Variants in CALN1 observed in about 807,000 individuals in gnomAD.
CALN1 encodes calneuron 1.
CALN1 carries 17 observed loss-of-function variants against 30.6 expected under a neutral mutation model. The observed-to-expected ratio is 0.56, with a 90% CI of 0.38 to 0.83. The LOEUF (loss-of-function observed/expected upper bound fraction) is 0.83, where lower values mean the gene tolerates loss of function less well. Ranked by LOEUF, CALN1 falls within the 40% of genes least tolerant of loss-of-function variation. The pLI is 0.00. For missense variants in CALN1, 291 were observed against 354.9 expected (o/e 0.82, Z 1.45); for synonymous variants, 156 against 131.4 (o/e 1.19, Z -1.28).
chr7:71,990,083 T>C (rs1798868650), intron 5 of CALN1, among the ~76,000 whole-genome samples: 1 of 152,104 alleles, frequency 6.6e-6, no homozygotes, highest in African/African-American at 2.4e-5. Flanking sequence ...AGATTGGAGT[T>C]TGGCACAAAA....
At chr7:71,874,888 G>A (rs1176038089) in intron 5 of CALN1, among the ~76,000 whole-genome samples, 1 of 152,064 alleles carries the variant, frequency 6.6e-6, no homozygotes, top group East Asian at 1.9e-4. Flanking sequence ...AAAATGGCTG[G>A]GTACTGTGAT....
intron 2 of CALN1, among the ~76,000 whole-genome samples, chr7:72,400,568 C>T (rs1434326092): frequency 1.3e-5 from 2 of 152,060 alleles, no homozygotes; most frequent in African/African-American, 2.4e-5. Flanking sequence ...TTACATGAGG[C>T]GAGATTAAGA....
At chr7:72,428,225 T>C (rs1199145725) in intron 1 of CALN1, among the ~76,000 whole-genome samples, 1 of 152,202 alleles carries the variant, frequency 6.6e-6, no homozygotes, top group East Asian at 1.9e-4. Flanking sequence ...GTAGCTCATA[T>C]TTGACCAGCT....
chr7:71,972,219 C>T (rs1797883597), intron 5 of CALN1, among the ~76,000 whole-genome samples: 1 of 152,038 alleles, frequency 6.6e-6, no homozygotes, highest in South Asian at 2.1e-4. Context: ...TCCACAGGCC[C>T]AAAGCTTAAT....
intron 5 of CALN1, among the ~76,000 whole-genome samples, chr7:71,832,639 C>G (rs1562821165): frequency 6.6e-6 from 1 of 152,152 alleles, no homozygotes; most frequent in African/African-American, 2.4e-5. Context: ...CTTGCTCTGT[C>G]GCCAAGGCTG....
upstream of CALN1, among the ~76,000 whole-genome samples, chr7:72,449,874 CAAAAAAAAAAAAAAA>C (rs71069071): frequency 2.3e-4 from 12 of 52,374 alleles, no homozygotes; most frequent in East Asian, 3.6e-3. Context: ...GACTCCGTCT[CAAAAAAAAAAAAAAA>C]AAAAAAAAAA....
At chr7:72,333,997 G>T (rs969964855) in intron 2 of CALN1, among the ~76,000 whole-genome samples, 1 of 152,194 alleles carries the variant, frequency 6.6e-6, no homozygotes. Flanking sequence ...CCCGCACATA[G>T]GATCGAAACC....
chr7:72,324,675 G>A (rs1473558518), intron 2 of CALN1, among the ~76,000 whole-genome samples: 3 of 151,802 alleles, frequency 2.0e-5, no homozygotes, highest in Middle Eastern at 6.8e-3. Context: ...TCCGCCTCCC[G>A]GGTTCAAGTG....
chr7:71,888,295 G>C (rs937195899), intron 5 of CALN1, among the ~76,000 whole-genome samples: 1 of 151,812 alleles, frequency 6.6e-6, no homozygotes, highest in African/African-American at 2.4e-5. Context: ...GGTTTATTTT[G>C]GGGGGAGATG....
At chr7:72,230,033 C>G (rs1299753619) in intron 3 of CALN1, among the ~76,000 whole-genome samples, 2 of 149,618 alleles carry the variant, frequency 1.3e-5, no homozygotes, top group Non-Finnish European at 3.0e-5. Flanking sequence ...TCCAGCTACT[C>G]AGGAGGCTGA....
At chr7:72,406,242 C>G (rs1369328426) in intron 1 of CALN1, among the ~76,000 whole-genome samples, 1 of 152,178 alleles carries the variant, frequency 6.6e-6, no homozygotes, top group African/African-American at 2.4e-5. Flanking sequence ...GCCGGACTAA[C>G]CACCGTCGGC....
chr7:72,276,526 T>G (rs77227555), intron 3 of CALN1, among the ~76,000 whole-genome samples: 1 of 152,144 alleles, frequency 6.6e-6, no homozygotes, highest in Non-Finnish European at 1.5e-5. Flanking sequence ...AAACCTCACA[T>G]TGACATTTGA....
At chr7:72,102,343 G>A (rs1040324837) in intron 4 of CALN1, among the ~76,000 whole-genome samples, 1 of 152,118 alleles carries the variant, frequency 6.6e-6, no homozygotes, top group Admixed American at 6.5e-5. Flanking sequence ...TACTCAGGAG[G>A]CTGAGGCAGG....
chr7:72,172,113 C>G lies in CALN1; in HGVS notation c.245-65819G>C, dbSNP rs73701699. ...AAGAGTAATCCACCAGGGAACAGAC[C>G]CATGGGGTCCAGCCTGATTGTGACT... On this transcript the variant is annotated intron_variant, in intron 3 of 6. Coordinates refer to ENST00000395275, the MANE Select transcript of CALN1 (RefSeq NM_031468.4). Among the ~76,000 whole-genome samples, 495 of 152,282 alleles carry G rather than the reference C, an allele frequency of 3.3e-3. 2 individuals carry two copies. Among genetic ancestry groups the G allele is most frequent in the African/African-American group, 0.01 (420 of 41,548 alleles).
At chr7:71,979,094 T>A (rs937694219) in intron 5 of CALN1, among the ~76,000 whole-genome samples, 1 of 152,100 alleles carries the variant, frequency 6.6e-6, no homozygotes, top group Non-Finnish European at 1.5e-5. Flanking sequence ...TACTGCCCCT[T>A]AGCTAAGGGG....
intron 3 of CALN1, among the ~76,000 whole-genome samples, chr7:72,216,567 C>T (rs940902835): frequency 2.6e-5 from 4 of 152,198 alleles, no homozygotes; most frequent in African/African-American, 9.6e-5. Flanking sequence ...GAAGAGTCAG[C>T]GTGGGGCCAG....
chr7:71,971,951 AAAAAAGAAAGAAAGAAAGAAAGAAAG>A (rs1797836623), intron 5 of CALN1, among the ~76,000 whole-genome samples: 1 of 117,888 alleles, frequency 8.5e-6, no homozygotes, highest in East Asian at 4.0e-4. Flanking sequence ...AAAAAAAAAA[AAAAAAGAAAGAAAGAAAGAAAGAAAG>A]AAAGAAAGAA....
intron 2 of CALN1, among the ~76,000 whole-genome samples, chr7:72,402,998 A>C (rs1806443966): frequency 6.6e-6 from 1 of 152,122 alleles, no homozygotes; most frequent in Non-Finnish European, 1.5e-5. Context: ...TCACCTGAAA[A>C]CAAGCATGTC....
At chr7:72,413,394 C>A (rs986462144), upstream of CALN1, among the ~76,000 whole-genome samples, 1 of 151,948 alleles carries the variant, frequency 6.6e-6, no homozygotes, top group Non-Finnish European at 1.5e-5. Context: ...CTCATACATG[C>A]ACACCACACA....
Sources: allele counts gnomAD v4.1 joint callset (sites outside exome capture counted in the v4.1 genomes callset), GRCh38; gene constraint gnomAD v4.1.1; transcripts MANE v1.5; gene names NCBI Gene and HGNC (gene_info 2026-07-23, HGNC 2026-07-21).